Variants in TDRD12 observed in about 807,000 individuals in gnomAD.
The protein encoded by TDRD12 is tudor domain containing 12.
A neutral mutation model predicts 133.5 loss-of-function variants in TDRD12; 158 were observed. The observed-to-expected ratio is 1.18, with a 90% confidence interval of 1.04 to 1.35. The LOEUF is 1.35. TDRD12 is among the 40% of genes most tolerant of loss of function. TDRD12 has a pLI of 0.00. For missense variants in TDRD12, 1,443 were observed against 1,321.3 expected (o/e 1.09, Z -1.43); for synonymous variants, 460 against 477.9 (o/e 0.96, Z 0.49).
chr19:32,820,129 C>G (rs1193922680), intron 27 of TDRD12, among the ~76,000 whole-genome samples: 2 of 152,058 alleles, frequency 1.3e-5, no homozygotes, highest in Non-Finnish European at 2.9e-5. Context: ...GGCGGTGGCT[C>G]AGGACGCTCG....
chr19:32,797,093 G>A (rs1056096077), intron 14 of TDRD12, among the ~76,000 whole-genome samples: 4 of 150,408 alleles, frequency 2.7e-5, no homozygotes, highest in Non-Finnish European at 2.9e-5. Context: ...CAATTCTCCT[G>A]TCTCAGCCTC....
intron 8 of TDRD12, among the ~76,000 whole-genome samples, chr19:32,759,777 A>G (rs17755379): frequency 0.11 from 16,816 of 152,240 alleles, 984 homozygotes; most frequent in Middle Eastern, 0.14. Flanking sequence ...TCTAGGTCAA[A>G]TATATCCGGT....
chr19:32,795,481 C>A (rs1318817389), intron 14 of TDRD12, among the ~76,000 whole-genome samples: 1 of 152,018 alleles, frequency 6.6e-6, no homozygotes, highest in Non-Finnish European at 1.5e-5. Context: ...AAATGAGGCT[C>A]AGGAAGAGTT....
At chr19:32,757,617 C>G (rs1393121003) in intron 8 of TDRD12, among the ~76,000 whole-genome samples, 1 of 152,192 alleles carries the variant, frequency 6.6e-6, no homozygotes, top group Admixed American at 6.5e-5. Context: ...TCCACCATTT[C>G]CCTCTTATGC....
intron 3 of TDRD12, 23 bp from the exon 4 acceptor site, chr19:32,742,758 G>A (rs1969470094): frequency 6.5e-7 from 1 of 1,548,420 alleles, no homozygotes; most frequent in Non-Finnish European, 8.7e-7. Context: ...ATATAATGGA[G>A]CTGTTTCTGT....
intron 24 of TDRD12, 75 bp downstream of exon 24, chr19:32,811,495 C>G: frequency 7.4e-7 from 1 of 1,347,112 alleles, no homozygotes; most frequent in South Asian, 1.3e-5. Flanking sequence ...AGAATTGAGG[C>G]CTGTCTGGAT....
chr19:32,751,618 C>G (rs1969830596), intron 6 of TDRD12, among the ~76,000 whole-genome samples: 1 of 147,264 alleles, frequency 6.8e-6, no homozygotes, highest in African/African-American at 2.5e-5. Flanking sequence ...CTCTCTCTGT[C>G]TCCTAGGTTG....
chr19:32,748,475 G>C lies in TDRD12; in HGVS notation c.441-1G>C, dbSNP rs1268449733. 6.4e-7 allele frequency: 1 copy of C among 1,551,592 alleles called. No individual in the cohort carries two copies. The highest frequency in any genetic ancestry group is 2.4e-5 in the East Asian group (1 of 40,904). On this transcript the variant is annotated splice_acceptor_variant, in intron 4 of 27. Coordinates refer to ENST00000444215, the Ensembl canonical transcript of TDRD12. LOFTEE classifies it high-confidence loss of function. ...GGAGTTGCATCTGTTCACTGTTCCA[G>C]ACCTGCCAAGAAGTGGGACAATGCA...
exon 14 of TDRD12, chr19:32,794,642 T>C (rs1320718056): frequency 1.4e-6 from 1 of 702,344 alleles, no homozygotes; most frequent in East Asian, 2.7e-5. Context: ...TTCAAAGAAA[T>C]AAGTTTCCGG....
At chr19:32,787,646 T>C (rs1427997035) in intron 11 of TDRD12, among the ~76,000 whole-genome samples, 3 of 152,150 alleles carry the variant, frequency 2.0e-5, no homozygotes, top group Admixed American at 6.6e-5. Flanking sequence ...ACCTCAGCAA[T>C]GGTGGACACC....
chr19:32,775,564 A>C (rs1970558067), intron 10 of TDRD12, among the ~76,000 whole-genome samples: 1 of 152,042 alleles, frequency 6.6e-6, no homozygotes, highest in Non-Finnish European at 1.5e-5. Context: ...AACTCCTGAG[A>C]CCAAGTGATC....
chr19:32,790,846 A>T (rs1248663537), intron 12 of TDRD12, 118 bp from the exon 13 acceptor site: 1 of 1,450,984 alleles, frequency 6.9e-7, no homozygotes, highest in Non-Finnish European at 9.1e-7. Flanking sequence ...TTAAGTAAGC[A>T]TATATACCCA....
Position 32,801,879 on chromosome 19 carries a change from T to A in TDRD12, c.2197+6T>A, listed in dbSNP as rs1209002308. ...TGGCTCTCAAATTATATTAGGTAAG[T>A]GTTTTAATTTCTACTTCTATTTAGT... On this transcript the variant is annotated splice_donor_region_variant and intron_variant, in intron 19 of 27. Coordinates refer to ENST00000444215, the Ensembl canonical transcript of TDRD12. 3 of 1,121,092 alleles carry A rather than the reference T, an allele frequency of 2.7e-6. No homozygotes were observed. The Admixed American group carries it at 7.3e-5, about 27-fold the overall frequency. 69.4% of individuals were successfully genotyped at this position (1,121,092 alleles called of 1,614,324 possible).
chr19:32,779,893 A>G (rs1396498414), intron 11 of TDRD12, among the ~76,000 whole-genome samples: 1 of 152,094 alleles, frequency 6.6e-6, no homozygotes, highest in Non-Finnish European at 1.5e-5. Flanking sequence ...CATCTCTGAT[A>G]TTTAATGTAC....
Position 32,827,258 on chromosome 19 carries a change from A to G in TDRD12, c.*92A>G, listed in dbSNP as rs148627741. On this transcript the variant is annotated 3_prime_UTR_variant, in exon 10 of 10. Coordinates refer to the TDRD12 transcript ENST00000637289. ...ATGACGACAGTGAGAGTGAAAGAGA[A>G]GGTGAATGACGTCCTCAAGAGCGGC... 7.9e-5 allele frequency: 97 copies of G among 1,231,996 alleles called. 1 individual carries two copies. The highest frequency in any genetic ancestry group is 9.2e-5 in the Non-Finnish European group (91 of 987,934). 76.3% of individuals were successfully genotyped at this position (1,231,996 alleles called of 1,614,324 possible). A position where few individuals can be genotyped will look rare whatever the true frequency, so the allele number is the denominator to read the frequency against.
chr19:32,736,379 C>T (rs1163939327), intron 2 of TDRD12, among the ~76,000 whole-genome samples: 1 of 152,158 alleles, frequency 6.6e-6, no homozygotes, highest in Non-Finnish European at 1.5e-5. Context: ...AGTGATGAGA[C>T]CCTGTCTCTA....
chr19:32,814,856 G>C (rs958684217), intron 25 of TDRD12, among the ~76,000 whole-genome samples: 15 of 152,216 alleles, frequency 9.9e-5, no homozygotes, highest in African/African-American at 3.6e-4. Flanking sequence ...GCCCCAGCCA[G>C]GGCAGGCCTG....
intron 2 of TDRD12, among the ~76,000 whole-genome samples, chr19:32,732,719 G>T (rs1969096672): frequency 6.6e-6 from 1 of 152,166 alleles, no homozygotes; most frequent in Non-Finnish European, 1.5e-5. Flanking sequence ...CTCTTTATGA[G>T]AAAAAGCAGA....
intron 8 of TDRD12, among the ~76,000 whole-genome samples, chr19:32,759,746 A>G (rs1219581704): frequency 6.6e-6 from 1 of 152,230 alleles, no homozygotes; most frequent in Non-Finnish European, 1.5e-5. Flanking sequence ...TATTTTACTT[A>G]GTATATGGCT....
Sources: allele counts gnomAD v4.1 joint callset (sites outside exome capture counted in the v4.1 genomes callset), GRCh38; gene constraint gnomAD v4.1.1; transcripts MANE v1.5; gene names NCBI Gene and HGNC (gene_info 2026-07-23, HGNC 2026-07-21).